Variants in CFAP61 observed in about 807,000 individuals in gnomAD.
The protein encoded by CFAP61 is cilia- and flagella-associated protein 61.
In CFAP61, 107 loss-of-function variants were observed where a neutral mutation model predicts 135.6. The ratio of observed to expected loss-of-function variants is 0.79; its 90% CI spans 0.67 to 0.93. The LOEUF is 0.93. Among genes scored for constraint, CFAP61 ranks in the 40% least tolerant of loss-of-function variants. CFAP61 has a pLI of 0.00. For synonymous variants in CFAP61, 575 were observed against 578.5 expected, an observed-to-expected ratio of 0.99 and a Z score of 0.09; for missense variants, 1,507 against 1,556.2, an observed-to-expected ratio of 0.97 and a Z score of 0.53.
chr20:20,261,187 A>C (rs184680346), intron 20 of CFAP61, among the ~76,000 whole-genome samples: 4 of 152,300 alleles, frequency 2.6e-5, no homozygotes, highest in Non-Finnish European at 5.9e-5. Flanking sequence ...ATTTTAATTT[A>C]ATCTAGTTTG....
Position 20,245,470 on chromosome 20 carries a change from TACTC to T in CFAP61, c.2061-643_2061-640del, listed in dbSNP as rs1295423052. On this transcript the variant is annotated intron_variant, in intron 18 of 26. Coordinates refer to ENST00000245957, the MANE Select transcript of CFAP61 (RefSeq NM_015585.4). ...TAAAACCATCAGATCTGGTGAGACT[TACTC>T]ACTATCATGAGAACAGCATAGGAAA... Among the ~76,000 whole-genome samples, 9 of 152,172 alleles carry T rather than the reference TACTC, an allele frequency of 5.9e-5. No individual in the cohort carries two copies. The East Asian group carries it at 9.6e-4, about 16-fold the overall frequency.
Position 20,098,786 on chromosome 20 carries a change from A to G in CFAP61, c.831A>G (p.Pro277=), listed in dbSNP as rs766701024. The G allele has an allele frequency of 1.2e-6, 2 of 1,613,470 alleles. No individual in the cohort carries two copies. The highest frequency in any genetic ancestry group is 3.3e-5 in the Admixed American group (2 of 59,888). The change falls in exon 8 of 27, where the codon CCA becomes CCG. Residue 277 remains proline, a synonymous_variant. Coordinates refer to ENST00000245957, the MANE Select transcript of CFAP61 (RefSeq NM_015585.4). ...FPHPDDVLES[P]QDLSVRRSQD... Reference sequence around the variant, plus strand: ...ATCCTGATGACGTTCTGGAATCACCACAAGACCTAAGTGTCCGAAGAAGTC... The same window carrying G: ...ATCCTGATGACGTTCTGGAATCACCGCAAGACCTAAGTGTCCGAAGAAGTC...
chr20:20,205,986 T>C (rs571990373), intron 17 of CFAP61, among the ~76,000 whole-genome samples: 2 of 151,422 alleles, frequency 1.3e-5, no homozygotes, highest in Admixed American at 6.6e-5. Context: ...ACTACAGGTT[T>C]ATTTTTTGGG....
intron 8 of CFAP61, among the ~76,000 whole-genome samples, chr20:20,099,847 G>T (rs1294912227): frequency 6.6e-6 from 1 of 152,206 alleles, no homozygotes; most frequent in South Asian, 2.1e-4. Context: ...ACAGAAGGCA[G>T]TGACTTGGCT....
rs1356164624 is a variant in CFAP61 at position 20,055,298 on chromosome 20, GAATGCCAT to G, written c.-36-1318_-36-1311del. Among the ~76,000 whole-genome samples, 3 of 152,262 alleles carry G rather than the reference GAATGCCAT, an allele frequency of 2.0e-5. No homozygotes were observed. The East Asian group carries it at 5.8e-4, about 29-fold the overall frequency. On this transcript the variant is annotated intron_variant, in intron 1 of 26. Transcript: ENST00000245957. Reference sequence around the variant, plus strand: ...CATAATACACAGATTGTGTGGACTAGAATGCCATACCCACTTTAGTCTAGAATTTGGAC... The same window carrying G: ...CATAATACACAGATTGTGTGGACTAGACCCACTTTAGTCTAGAATTTGGAC...
chr20:20,300,629 G>A lies in CFAP61; in HGVS notation c.3422+2243G>A, dbSNP rs1212663149. 2.0e-5 allele frequency among the ~76,000 whole-genome samples: 3 copies of A among 150,236 alleles called. No individual in the cohort carries two copies. In the East Asian group the frequency reaches 5.8e-4, roughly 29 times the overall value. ...TTTGTTTTTTTTTTTTTTTGAGATG[G>A]AGTCTCACTCTGTTGCCCAGGCTGG... On this transcript the variant is annotated intron_variant, in intron 25 of 26. Coordinates refer to ENST00000245957, the MANE Select transcript of CFAP61 (RefSeq NM_015585.4).
At chr20:20,258,128 C>G (rs1462800281) in intron 20 of CFAP61, among the ~76,000 whole-genome samples, 1 of 152,090 alleles carries the variant, frequency 6.6e-6, no homozygotes, top group Non-Finnish European at 1.5e-5. Flanking sequence ...TGTTTTTACA[C>G]TTAATTCAAA....
intron 8 of CFAP61, among the ~76,000 whole-genome samples, chr20:20,113,789 A>G (rs931940982): frequency 1.3e-5 from 2 of 152,168 alleles, no homozygotes; most frequent in Non-Finnish European, 2.9e-5. Context: ...TTAAATGTCC[A>G]TATATGTGTA....
intron 13 of CFAP61, among the ~76,000 whole-genome samples, chr20:20,181,908 G>C (rs1194482296): frequency 1.3e-5 from 2 of 152,200 alleles, no homozygotes; most frequent in Non-Finnish European, 2.9e-5. Context: ...CCATGGGACT[G>C]AAAGATGGGA....
At chr20:20,279,063 C>T (rs754653744) in intron 22 of CFAP61, among the ~76,000 whole-genome samples, 2 of 152,152 alleles carry the variant, frequency 1.3e-5, no homozygotes, top group South Asian at 4.2e-4. Flanking sequence ...AAGATTGCCA[C>T]GTTTATTCTG....
chr20:20,103,455 G>GT (rs1023226068), intron 8 of CFAP61, among the ~76,000 whole-genome samples: 216 of 151,590 alleles, frequency 1.4e-3, no homozygotes, highest in Admixed American at 3.2e-3. Flanking sequence ...TAGTAGAAGT[G>GT]TATTTTTTTT....
At chr20:20,057,145 G>C (rs1228176466) in intron 2 of CFAP61, among the ~76,000 whole-genome samples, 1 of 144,732 alleles carries the variant, frequency 6.9e-6, no homozygotes, top group Non-Finnish European at 1.5e-5. Context: ...AAAAAAAGAA[G>C]GTTCCTCAAT....
chr20:20,297,622 C>T (rs2055739543), intron 24 of CFAP61, among the ~76,000 whole-genome samples: 1 of 152,178 alleles, frequency 6.6e-6, no homozygotes, highest in Non-Finnish European at 1.5e-5. Context: ...ACCAGAAAAC[C>T]ACCTGCAGAA....
At chr20:20,086,660 C>T (rs914490166) in intron 6 of CFAP61, among the ~76,000 whole-genome samples, 28 of 152,102 alleles carry the variant, frequency 1.8e-4, no homozygotes, top group Admixed American at 1.8e-3. Context: ...GTAAATGGGA[C>T]CCTTGGCAAG....
intron 2 of CFAP61, chr20:20,069,661 A>G (rs2045568674): frequency 2.3e-6 from 1 of 442,408 alleles, no homozygotes; most frequent in Non-Finnish European, 4.5e-6. Context: ...ACAGAAACCA[A>G]AGTGTTGACA....
intron 13 of CFAP61, among the ~76,000 whole-genome samples, chr20:20,181,043 A>G (rs187275190): frequency 3.6e-4 from 55 of 152,128 alleles, no homozygotes; most frequent in Middle Eastern, 3.4e-3. Flanking sequence ...ATCAGGAAAC[A>G]TAATTAATGG....
At chr20:20,151,564 T>C (rs1195494752) in intron 9 of CFAP61, among the ~76,000 whole-genome samples, 1 of 152,014 alleles carries the variant, frequency 6.6e-6, no homozygotes, top group East Asian at 1.9e-4. Flanking sequence ...CAGTGGCTCA[T>C]ACCTGTAATC....
rs371793125 is a variant in CFAP61 at position 20,090,860 on chromosome 20, G to T, written c.583G>T (p.Asp195Tyr). 2.5e-6 allele frequency: 4 copies of T among 1,614,070 alleles called. No homozygotes were observed. The highest frequency in any genetic ancestry group is 1.6e-4 in the Middle Eastern group (1 of 6,062). The change falls in exon 7 of 27, where the codon GAT becomes TAT. Residue 195 changes from aspartate (D) to tyrosine (Y), a missense_variant. Asp to Tyr is a radical substitution (Grantham distance 160). Coordinates refer to ENST00000245957, the MANE Select transcript of CFAP61 (RefSeq NM_015585.4). Reference sequence around the variant, plus strand: ...ATTAAACAGGGTGGAAGACCATGACGATCTCATGCCAATATTTATGCGCTA... The same window carrying T: ...ATTAAACAGGGTGGAAGACCATGACTATCTCATGCCAATATTTATGCGCTA... ...VRKARVEDHD[D>Y]LMPIFMRYDT...
At chr20:20,225,559 T>A (rs2048684935) in intron 17 of CFAP61, 1 of 152,174 alleles carries the variant, frequency 6.6e-6, no homozygotes, top group Non-Finnish European at 1.5e-5. Context: ...TGCCTTTGTA[T>A]CACGGATAGA....
Sources: gnomAD v4.1 joint callset for allele counts (sites outside exome capture counted in the v4.1 genomes callset) on GRCh38, gnomAD v4.1.1 for gene constraint, MANE v1.5 for transcripts, NCBI Gene and HGNC (gene_info 2026-07-23, HGNC 2026-07-21) for gene names.